FHIT: variants seen among roughly 807,000 people sequenced by gnomAD.
FHIT encodes the protein bis(5'-adenosyl)-triphosphatase.
A neutral mutation model predicts 17.9 loss-of-function variants in FHIT; 19 were observed. That is an observed-to-expected ratio of 1.06 (90% CI 0.74 to 1.56). The LOEUF is 1.56. Among genes scored for constraint, FHIT ranks in the 40% most tolerant of loss-of-function variants. FHIT has a pLI of 0.00. For synonymous variants in FHIT, 81 were observed against 69.7 expected (o/e 1.16, Z -0.81); for missense variants, 248 against 189.2 (o/e 1.31, Z -1.82).
chr3:60,334,859 G>A (rs1391455028), intron 5 of FHIT, among the ~76,000 whole-genome samples: 1 of 152,186 alleles, frequency 6.6e-6, no homozygotes, highest in African/African-American at 2.4e-5. Flanking sequence ...TGTGATTAAT[G>A]TACAGCCTGT....
intron 2 of FHIT, among the ~76,000 whole-genome samples, chr3:61,092,502 A>AATATAT (rs111254876): frequency 1.3e-5 from 2 of 149,378 alleles, no homozygotes; most frequent in African/African-American, 2.5e-5. Flanking sequence ...GTCCCTTAAA[A>AATATAT]ATATATATAT....
chr3:60,225,854 C>T (rs916967819), intron 5 of FHIT, among the ~76,000 whole-genome samples: 1 of 152,106 alleles, frequency 6.6e-6, no homozygotes, highest in Non-Finnish European at 1.5e-5. Context: ...CACTTTTGCA[C>T]TTCCCTCAGC....
At chr3:60,593,143 A>G (rs1327213779) in intron 4 of FHIT, among the ~76,000 whole-genome samples, 1 of 152,146 alleles carries the variant, frequency 6.6e-6, no homozygotes, top group Admixed American at 6.5e-5. Flanking sequence ...TTTTGACTAG[A>G]ACATACATTC....
intron 5 of FHIT, among the ~76,000 whole-genome samples, chr3:60,206,006 A>G (rs1303539207): frequency 6.6e-6 from 1 of 150,852 alleles, no homozygotes; most frequent in Non-Finnish European, 1.5e-5. Flanking sequence ...GGTTGCAGGC[A>G]CCTATAGTCC....
At chr3:61,017,801 C>T (rs1034815270) in intron 3 of FHIT, among the ~76,000 whole-genome samples, 1 of 152,106 alleles carries the variant, frequency 6.6e-6, no homozygotes, top group African/African-American at 2.4e-5. Flanking sequence ...CTCAGAATCA[C>T]AAGAAATAAT....
intron 5 of FHIT, among the ~76,000 whole-genome samples, chr3:60,478,172 T>A (rs1384197631): frequency 1.3e-5 from 2 of 152,140 alleles, no homozygotes; most frequent in African/African-American, 4.8e-5. Context: ...CTTCCAATAA[T>A]CAGCAGTAAC....
chr3:61,233,076 G>C lies in FHIT; in HGVS notation c.-213+18225C>G, dbSNP rs368048173. On this transcript the variant is annotated intron_variant, in intron 1 of 9. Transcript: ENST00000492590. Reference sequence around the variant, plus strand: ...ACTTTATACCTTTTTATATTGTTTTGTAAAAATAAAGAGCTAAAAGATTAT... The same window carrying C: ...ACTTTATACCTTTTTATATTGTTTTCTAAAAATAAAGAGCTAAAAGATTAT... Among the ~76,000 whole-genome samples the C allele has an allele frequency of 4.6e-5, 7 of 152,288 alleles. No individual in the cohort carries two copies. In the South Asian group the frequency reaches 8.3e-4, roughly 18 times the overall value.
intron 5 of FHIT, among the ~76,000 whole-genome samples, chr3:60,310,367 T>C (rs1194418825): frequency 1.3e-5 from 2 of 152,090 alleles, no homozygotes; most frequent in Admixed American, 6.6e-5. Context: ...AAGGGTTTAG[T>C]TACCTGGGGC....
intron 5 of FHIT, among the ~76,000 whole-genome samples, chr3:60,056,042 T>G (rs1001663804): frequency 2.6e-5 from 4 of 152,182 alleles, no homozygotes; most frequent in African/African-American, 9.6e-5. Context: ...AGTCATGACC[T>G]GCCCCCTTCA....
chr3:60,472,369 A>ATTT (rs370195823), intron 5 of FHIT, among the ~76,000 whole-genome samples: 9 of 134,562 alleles, frequency 6.7e-5, no homozygotes, highest in Admixed American at 4.5e-4. Context: ...ACAATGCTGT[A>ATTT]TTTTTTTTTT....
chr3:60,514,182 G>C (rs1202142704), intron 5 of FHIT, among the ~76,000 whole-genome samples: 2 of 152,184 alleles, frequency 1.3e-5, no homozygotes, highest in South Asian at 2.1e-4. Context: ...GAGGCACTGG[G>C]TGTGGAAACC....
At chr3:60,936,985 T>C (rs1035504402) in intron 3 of FHIT, among the ~76,000 whole-genome samples, 2 of 128,332 alleles carry the variant, frequency 1.6e-5, no homozygotes, top group Admixed American at 1.8e-4. Flanking sequence ...AGCAAAGGGA[T>C]GTAATCAACA....
At chr3:60,724,653 T>G (rs1192638355) in intron 4 of FHIT, among the ~76,000 whole-genome samples, 1 of 140,212 alleles carries the variant, frequency 7.1e-6, no homozygotes, top group African/African-American at 2.9e-5. Context: ...GTCTGTTTTT[T>G]TTTTTTGTTT....
At chr3:60,371,030 G>A (rs535679080) in intron 5 of FHIT, among the ~76,000 whole-genome samples, 71 of 152,248 alleles carry the variant, frequency 4.7e-4, no homozygotes, top group African/African-American at 1.6e-3. Context: ...AACCTAAGCC[G>A]TTTGCACAAG....
At chr3:61,179,492 C>T (rs62268811) in intron 2 of FHIT, among the ~76,000 whole-genome samples, 37,302 of 151,500 alleles carry the variant, frequency 0.25, 5,523 homozygotes, top group East Asian at 0.72. Flanking sequence ...GAGGATTGCT[C>T]GAGGGCAGGG....
At chr3:60,540,136 A>C (rs2107605277) in intron 4 of FHIT, among the ~76,000 whole-genome samples, 1 of 152,084 alleles carries the variant, frequency 6.6e-6, no homozygotes, top group African/African-American at 2.4e-5. Flanking sequence ...CTCTGTAAAA[A>C]CCCAGAAGAA....
At chr3:60,897,323 G>A (rs1021689376) in intron 3 of FHIT, among the ~76,000 whole-genome samples, 18 of 151,806 alleles carry the variant, frequency 1.2e-4, no homozygotes, top group African/African-American at 1.9e-4. Flanking sequence ...CTTTTCTATC[G>A]GATTTATGGT....
At chr3:60,135,610 T>C (rs1326225621) in intron 5 of FHIT, among the ~76,000 whole-genome samples, 2 of 152,086 alleles carry the variant, frequency 1.3e-5, no homozygotes, top group Non-Finnish European at 2.9e-5. Context: ...GACTGACTTA[T>C]TTGTACTGAG....
intron 5 of FHIT, among the ~76,000 whole-genome samples, chr3:60,308,202 T>C (rs1353551441): frequency 6.6e-6 from 1 of 152,088 alleles, no homozygotes; most frequent in African/African-American, 2.4e-5. Flanking sequence ...CTTGGCCAAG[T>C]TACTTAACCT....
Sources: gnomAD v4.1 joint callset for allele counts (sites outside exome capture counted in the v4.1 genomes callset) on GRCh38, gnomAD v4.1.1 for gene constraint, MANE v1.5 for transcripts, NCBI Gene and HGNC (gene_info 2026-07-23, HGNC 2026-07-21) for gene names.